ADGRL4: variants seen among roughly 807,000 people sequenced by gnomAD.
The protein encoded by ADGRL4 is adhesion G protein-coupled receptor L4.
Under a neutral mutation model 74.8 loss-of-function variants are expected in ADGRL4, and 90 were observed. The ratio of observed to expected loss-of-function variants is 1.20; its 90% CI spans 1.02 to 1.43. ADGRL4 has a LOEUF of 1.43. ADGRL4 is among the 40% of genes most tolerant of loss of function. The pLI is 0.00. For synonymous variants in ADGRL4, 311 were observed against 279.2 expected (o/e 1.11, Z -1.14); for missense variants, 881 against 814.3 (o/e 1.08, Z -1.00).
At chr1:78,945,800 C>T (rs1365098494) in intron 3 of ADGRL4, among the ~76,000 whole-genome samples, 1 of 150,654 alleles carries the variant, frequency 6.6e-6, no homozygotes, top group Non-Finnish European at 1.5e-5. Context: ...TGAAGTGTGA[C>T]TTTTATTAAA....
intron 9 of ADGRL4, among the ~76,000 whole-genome samples, chr1:78,921,355 T>A (rs1221209384): frequency 6.7e-6 from 1 of 149,694 alleles, no homozygotes; most frequent in Non-Finnish European, 1.5e-5. Flanking sequence ...ACAAGCTAAT[T>A]TAATATGTAA....
chr1:78,926,830 C>A (rs754858670), intron 8 of ADGRL4, 56 bp downstream of exon 8: 6 of 1,269,220 alleles, frequency 4.7e-6, no homozygotes, highest in Non-Finnish European at 6.8e-6. Flanking sequence ...AACAAAGAGT[C>A]CAGTTCTCTG....
At position 78,963,788 on chromosome 1, in the gene ADGRL4, C is replaced by G. The variant is rs140377024; in HGVS notation, c.173-17362G>C. 3.5e-3 allele frequency among the ~76,000 whole-genome samples: 527 copies of G among 152,160 alleles called. 2 individuals are homozygous for G. Among genetic ancestry groups the G allele is most frequent in the African/African-American group, 0.012 (504 of 41,534 alleles). On this transcript the variant is annotated intron_variant, in intron 2 of 14. Coordinates refer to ENST00000370742, the MANE Select transcript of ADGRL4 (RefSeq NM_022159.4). ...GAAATAACTAAAGCATGTGAAGAAACAGTGTTTATTAGGCATACAATAAAC... is the reference window on the plus strand; with the variant it reads ...GAAATAACTAAAGCATGTGAAGAAAGAGTGTTTATTAGGCATACAATAAAC...
chr1:78,944,602 C>T (rs1649556332), intron 3 of ADGRL4, among the ~76,000 whole-genome samples: 1 of 152,134 alleles, frequency 6.6e-6, no homozygotes, highest in Non-Finnish European at 1.5e-5. Flanking sequence ...CCTTGCAAAG[C>T]TTGATCGGCT....
intron 12 of ADGRL4, among the ~76,000 whole-genome samples, chr1:78,914,588 C>T (rs1015366274): frequency 2.6e-5 from 4 of 151,744 alleles, no homozygotes; most frequent in African/African-American, 9.7e-5. Context: ...CCTACTTCAC[C>T]AAGGAATCTC....
chr1:78,950,953 C>T (rs1293909014), intron 2 of ADGRL4, among the ~76,000 whole-genome samples: 2 of 152,088 alleles, frequency 1.3e-5, no homozygotes, highest in African/African-American at 4.8e-5. Flanking sequence ...GAGGACATTT[C>T]AGAAGACGTA....
intron 7 of ADGRL4, among the ~76,000 whole-genome samples, chr1:78,934,524 A>G (rs560434510): frequency 2.0e-4 from 31 of 152,246 alleles, no homozygotes; most frequent in Non-Finnish European, 3.7e-4. Flanking sequence ...CACCAAAAAC[A>G]GTTGCTACAA....
intron 12 of ADGRL4, among the ~76,000 whole-genome samples, chr1:78,900,277 C>T (rs1233699408): frequency 2.0e-5 from 3 of 151,996 alleles, no homozygotes; most frequent in Non-Finnish European, 2.9e-5. Context: ...TGAATTCTTC[C>T]GCAGTCCCTC....
intron 12 of ADGRL4, among the ~76,000 whole-genome samples, chr1:78,911,440 T>G (rs1648760628): frequency 6.6e-6 from 1 of 151,852 alleles, no homozygotes; most frequent in African/African-American, 2.4e-5. Context: ...AAGTTTCTAT[T>G]GGTTTTCTTT....
chr1:78,897,118 T>C (rs1053913975), intron 12 of ADGRL4, among the ~76,000 whole-genome samples: 8 of 152,184 alleles, frequency 5.3e-5, no homozygotes, highest in African/African-American at 1.9e-4. Context: ...TGAGTATTCT[T>C]TACTGTTTTG....
At chr1:78,919,376 T>G (rs370435072) in intron 10 of ADGRL4, among the ~76,000 whole-genome samples, 64 of 152,044 alleles carry the variant, frequency 4.2e-4, no homozygotes, top group African/African-American at 1.5e-3. Context: ...GTAGGGTTAC[T>G]GCTGTGAGAG....
intron 3 of ADGRL4, among the ~76,000 whole-genome samples, chr1:78,942,734 G>A (rs970608943): frequency 5.3e-5 from 8 of 152,034 alleles, no homozygotes; most frequent in African/African-American, 1.9e-4. Context: ...TTTGAGACCA[G>A]GCTGAGCAAC....
intron 12 of ADGRL4, among the ~76,000 whole-genome samples, chr1:78,917,320 A>G (rs1648895658): frequency 6.6e-6 from 1 of 151,794 alleles, no homozygotes; most frequent in African/African-American, 2.4e-5. Flanking sequence ...GCAGACATCT[A>G]TACTCCATCA....
intron 2 of ADGRL4, among the ~76,000 whole-genome samples, chr1:78,970,943 G>T (rs1650155380): frequency 6.6e-6 from 1 of 152,130 alleles, no homozygotes; most frequent in South Asian, 2.1e-4. Flanking sequence ...TTACCAGTCG[G>T]GCTTTTGGTC....
chr1:78,946,426 T>C lies in ADGRL4; in HGVS notation c.173A>G (p.Asp58Gly), dbSNP rs376613673. The C allele has an allele frequency of 1.3e-6, 2 of 1,599,702 alleles. No individual in the cohort carries two copies. The highest frequency in any genetic ancestry group is 1.7e-6 in the Non-Finnish European group (2 of 1,174,642). Residue 58 changes from aspartate (D) to glycine (G), a missense_variant and splice_region_variant, in exon 3 of 15, where the codon GAT becomes GGT. Physicochemically the swap from Asp to Gly is moderately conservative, Grantham distance 94. Transcript: ENST00000370742. ...AGTTAAATTTCCACATTCATTATCA[T>C]CTGTTGGCATATGAATTTAAAAGAT... ...FSGNGVTICE[D>G]DNECGNLTQS...
intron 13 of ADGRL4, among the ~76,000 whole-genome samples, chr1:78,892,831 TA>T (rs1648311975): frequency 6.6e-6 from 1 of 152,002 alleles, no homozygotes; most frequent in Non-Finnish European, 1.5e-5. Context: ...AGAAAATCAC[TA>T]AGGCCTTCCT....
At chr1:78,988,560 T>C (rs1030848665) in intron 2 of ADGRL4, among the ~76,000 whole-genome samples, 2 of 151,870 alleles carry the variant, frequency 1.3e-5, no homozygotes, top group African/African-American at 4.8e-5. Context: ...TACAAATCTA[T>C]CTTTGTTCAA....
At chr1:78,925,209 G>A (rs1398908423) in intron 8 of ADGRL4, among the ~76,000 whole-genome samples, 1 of 151,996 alleles carries the variant, frequency 6.6e-6, no homozygotes, top group Non-Finnish European at 1.5e-5. Flanking sequence ...GGCTGCAGGG[G>A]CTTGAAACCT....
intron 12 of ADGRL4, among the ~76,000 whole-genome samples, chr1:78,898,915 T>C (rs1648457782): frequency 6.6e-6 from 1 of 152,160 alleles, no homozygotes; most frequent in Non-Finnish European, 1.5e-5. Context: ...GATGAGTTGG[T>C]GAAAGAACGA....
Sources: gnomAD v4.1 joint callset for allele counts (sites outside exome capture counted in the v4.1 genomes callset) on GRCh38, gnomAD v4.1.1 for gene constraint, MANE v1.5 for transcripts, NCBI Gene and HGNC (gene_info 2026-07-23, HGNC 2026-07-21) for gene names.